The following SPIRE2 variants were observed in gnomAD, a reference collection of about 807,000 sequenced individuals.
The protein encoded by SPIRE2 is spire type actin nucleation factor 2, also known as protein spire homolog 2.
SPIRE2 carries 76 observed loss-of-function variants against 80.7 expected under a neutral mutation model. The ratio of observed to expected loss-of-function variants is 0.94; its 90% CI spans 0.78 to 1.14. The LOEUF (loss-of-function observed/expected upper bound fraction) is 1.14. SPIRE2 is among the 50% of genes most tolerant of loss of function. SPIRE2 has a pLI of 0.00. For missense variants in SPIRE2, 1,196 were observed against 1,015.3 expected (o/e 1.18, Z -2.42); for synonymous variants, 535 against 432.6 (o/e 1.24, Z -2.94).
intron 1 of SPIRE2, among the ~76,000 whole-genome samples, chr16:89,841,713 T>G (rs968745076): frequency 6.6e-6 from 1 of 152,148 alleles, no homozygotes; most frequent in African/African-American, 2.4e-5. Flanking sequence ...TTTTTTTTTT[T>G]TGAGATGGAG....
Position 89,840,485 on chromosome 16 carries a change from G to C in SPIRE2, c.245-4837G>C, listed in dbSNP as rs534034806. 3.6e-4 allele frequency among the ~76,000 whole-genome samples: 53 copies of C among 148,314 alleles called. No individual in the cohort carries two copies. In the South Asian group the frequency reaches 0.011, roughly 31 times the overall value. On this transcript the variant is annotated intron_variant, in intron 1 of 14. Coordinates refer to ENST00000378247, the MANE Select transcript of SPIRE2 (RefSeq NM_032451.2). ...AGGATGGTTTCGATCTCCTGACCTTGGGATCCGCCCGCCTCGGCCTCCCAA... is the reference window on the plus strand; with the variant it reads ...AGGATGGTTTCGATCTCCTGACCTTCGGATCCGCCCGCCTCGGCCTCCCAA...
chr16:89,853,448 C>T (rs891679485), intron 3 of SPIRE2, among the ~76,000 whole-genome samples: 9 of 152,200 alleles, frequency 5.9e-5, no homozygotes, highest in African/African-American at 2.2e-4. Flanking sequence ...CCAGGAGCGG[C>T]CTGCTCAGGA....
rs891508002 is a variant in SPIRE2 at position 89,871,289 on chromosome 16, C to T, written c.*1017C>T. On this transcript the variant is annotated 3_prime_UTR_variant, in exon 15 of 15. Transcript: ENST00000378247. The stretch of plus-strand genomic sequence containing the variant: ...CTCTGTAAATCTGTGCACATGGCCA[C>T]TCTTGGCCTAATAAAGGAGGTCTCA... 6.6e-6 allele frequency: 1 copy of T among 152,312 alleles called. No individual in the cohort carries two copies. The highest frequency in any genetic ancestry group is 1.5e-5 in the Non-Finnish European group (1 of 68,102). The allele number at this position is 152,312 out of a possible 1,614,324, so 9.4% of individuals were successfully genotyped here.
chr16:89,855,841 G>A, intron 6 of SPIRE2, 155 bp downstream of exon 6: 3 of 909,420 alleles, frequency 3.3e-6, no homozygotes, highest in Non-Finnish European at 4.9e-6. Flanking sequence ...GCTTCCTCTT[G>A]CCTGTGTGCC....
At chr16:89,865,553 A>G (rs1269427166) in intron 12 of SPIRE2, among the ~76,000 whole-genome samples, 2 of 152,186 alleles carry the variant, frequency 1.3e-5, no homozygotes, top group African/African-American at 4.8e-5. Flanking sequence ...AGAACAAACA[A>G]ATGAGTCAAA....
At position 89,859,296 on chromosome 16, in the gene SPIRE2, G is replaced by T; in HGVS notation, c.1404G>T (p.Glu468Asp). The T allele has an allele frequency of 1.2e-6, 2 of 1,600,514 alleles. No homozygotes were observed. ...CCACCCACCCCCCAGGAGGGACGGA[G>T]CCACCACGGCCCCGAGCTGGCAGTG... ...QSATHPPGGTEPPRPRAGSAH... is the reference protein window; with the variant it reads ...QSATHPPGGTDPPRPRAGSAH... Residue 468 changes from glutamate (E) to aspartate (D), a missense_variant, in exon 9 of 15, where the codon GAG (glutamate) becomes GAT (aspartate). Physicochemically the swap from Glu to Asp is conservative, Grantham distance 45 (BLOSUM62 2). Coordinates refer to ENST00000378247, the MANE Select transcript of SPIRE2 (RefSeq NM_032451.2).
chr16:89,833,572 G>A lies in SPIRE2; in HGVS notation c.244+4778G>A, dbSNP rs368668663. Among the ~76,000 whole-genome samples the A allele has an allele frequency of 1.4e-4, 22 of 152,382 alleles. No individual in the cohort carries two copies. The East Asian group carries it at 1.5e-3, about 11-fold the overall frequency. On this transcript the variant is annotated intron_variant, in intron 1 of 14. Coordinates refer to ENST00000378247, the MANE Select transcript of SPIRE2 (RefSeq NM_032451.2). Reference sequence around the variant, plus strand: ...AGGGGCAGGTTCAGCTCAGGCCTACGGCCTGCTGGGCTTGAGAAGCTTCGC... The same window carrying A: ...AGGGGCAGGTTCAGCTCAGGCCTACAGCCTGCTGGGCTTGAGAAGCTTCGC...
chr16:89,837,960 G>C (rs1250582331), intron 1 of SPIRE2, among the ~76,000 whole-genome samples: 1 of 152,104 alleles, frequency 6.6e-6, no homozygotes, highest in Non-Finnish European at 1.5e-5. Flanking sequence ...TTTCGTGCGG[G>C]CGTTTCTCCC....
At position 89,865,987 on chromosome 16, in the gene SPIRE2, A is replaced by AT. The variant is rs1377303430; in HGVS notation, c.1778+2126_1778+2127insT. Among the ~76,000 whole-genome samples, 200 of 143,376 alleles carry AT rather than the reference A, an allele frequency of 1.4e-3. 1 individual carries two copies. Among genetic ancestry groups the AT allele is most frequent in the African/African-American group, 4.6e-3 (176 of 38,314 alleles). 94.1% of individuals were successfully genotyped at this position (143,376 alleles called of 152,430 possible). A position where few individuals can be genotyped will look rare whatever the true frequency, so the allele number is the denominator to read the frequency against. ...TCTCAAAAAAAAAAAAAAAAAAAAA[A>AT]GGTAAGGCTGGATATGGTGGATATG... On this transcript the variant is annotated intron_variant, in intron 12 of 14. Coordinates refer to ENST00000378247, the MANE Select transcript of SPIRE2 (RefSeq NM_032451.2).
At chr16:89,867,773 C>T (rs189517712) in intron 12 of SPIRE2, among the ~76,000 whole-genome samples, 2 of 151,974 alleles carry the variant, frequency 1.3e-5, no homozygotes, top group African/African-American at 4.8e-5. Context: ...TTAGTAGAAA[C>T]GAGGTTTCAC....
intron 8 of SPIRE2, 51 bp from the exon 9 acceptor site, chr16:89,859,114 G>A: frequency 6.9e-7 from 1 of 1,458,338 alleles, no homozygotes; most frequent in Non-Finnish European, 9.2e-7. Context: ...GCATGGGCAG[G>A]AGGCACTGGC....
intron 12 of SPIRE2, among the ~76,000 whole-genome samples, chr16:89,867,607 C>CA (rs1205117040): frequency 1.4e-5 from 2 of 143,078 alleles, no homozygotes; most frequent in African/African-American, 5.2e-5. Context: ...TTTTTTGAGA[C>CA]AGAGTTTCGC....
At chr16:89,860,972 C>T (rs1167992405) in intron 10 of SPIRE2, among the ~76,000 whole-genome samples, 177 bp downstream of exon 10, 2 of 152,124 alleles carry the variant, frequency 1.3e-5, no homozygotes, top group Non-Finnish European at 2.9e-5. Flanking sequence ...AGCTGCTGGT[C>T]TGGGGCCGTG....
chr16:89,843,453 T>G (rs997685745), intron 1 of SPIRE2, among the ~76,000 whole-genome samples: 1 of 151,666 alleles, frequency 6.6e-6, no homozygotes, highest in Admixed American at 6.6e-5. Context: ...TAAACAGTCT[T>G]GGGGGGACAT....
At chr16:89,832,003 G>A (rs2041389251) in intron 1 of SPIRE2, among the ~76,000 whole-genome samples, 1 of 152,268 alleles carries the variant, frequency 6.6e-6, no homozygotes, top group Non-Finnish European at 1.5e-5. Context: ...TCTGCAGAGG[G>A]CGAAGCTCTT....
chr16:89,840,518 G>GA (rs996282765), intron 1 of SPIRE2, among the ~76,000 whole-genome samples: 63 of 151,320 alleles, frequency 4.2e-4, no homozygotes, highest in Non-Finnish European at 7.5e-4. Context: ...CAAAGTGCTG[G>GA]ATTACAGGCA....
At position 89,870,885 on chromosome 16, in the gene SPIRE2, A is replaced by C. The variant is rs1206677647; in HGVS notation, c.*613A>C. The C allele has an allele frequency of 3.3e-5, 5 of 153,644 alleles. No individual in the cohort carries two copies. The East Asian group carries it at 7.7e-4, about 24-fold the overall frequency. The allele number at this position is 153,644 out of a possible 1,614,324, so 9.5% of individuals were successfully genotyped here. A position where few individuals can be genotyped will look rare whatever the true frequency, so the allele number is the denominator to read the frequency against. ...AGGATCACCTGAGGTCAGGAGTTTG[A>C]GACCAGCCTGGCCAACATGATGAAA... is the stretch of plus-strand genomic sequence containing the variant. On this transcript the variant is annotated 3_prime_UTR_variant, in exon 15 of 15. Transcript: ENST00000378247.
chr16:89,828,580 C>T lies in SPIRE2; in HGVS notation c.30C>T (p.Ala10=), dbSNP rs2041347947. The change falls in exon 1 of 15, where the codon GCC becomes GCT. Residue 10 remains alanine (A), a synonymous_variant. Transcript: ENST00000378247. This position sits in a 1 kb window ranked among gnomAD's most constrained non-coding sequence, Gnocchi z 5.9. MARAGSCGG[A]AAGAGRPEPW... ...CCCGGGCGGGCAGCTGCGGCGGCGCCGCGGCGGGCGCAGGGCGGCCGGAGC... is the reference window on the plus strand; with the variant it reads ...CCCGGGCGGGCAGCTGCGGCGGCGCTGCGGCGGGCGCAGGGCGGCCGGAGC... The T allele has an allele frequency of 1.7e-6, 2 of 1,172,216 alleles. No homozygotes were observed. Among genetic ancestry groups the T allele is most frequent in the South Asian group, 3.5e-5 (1 of 28,926 alleles). 72.6% of individuals were successfully genotyped at this position (1,172,216 alleles called of 1,614,324 possible). A position where few individuals can be genotyped will look rare whatever the true frequency, so the allele number is the denominator to read the frequency against.
intron 9 of SPIRE2, among the ~76,000 whole-genome samples, chr16:89,860,475 G>T (rs1309736909): frequency 1.3e-5 from 2 of 152,090 alleles, no homozygotes; most frequent in Non-Finnish European, 2.9e-5. Context: ...TGCCCAGGGT[G>T]GTCTCAAGCT....
Sources: allele counts gnomAD v4.1 joint callset (sites outside exome capture counted in the v4.1 genomes callset), GRCh38; gene constraint gnomAD v4.1.1; non-coding constraint Gnocchi (gnomAD v3.1); transcripts MANE v1.5; gene names NCBI Gene and HGNC (gene_info 2026-07-23, HGNC 2026-07-21).